QARS1: variants seen among roughly 807,000 people sequenced by gnomAD.
The protein encoded by QARS1 is glutaminyl-tRNA synthetase 1, also known as glutamine--tRNA ligase.
QARS1 carries 79 observed loss-of-function variants against 106.9 expected under a neutral mutation model. The observed-to-expected ratio is 0.74, with a 90% CI of 0.62 to 0.89. QARS1 has a LOEUF of 0.89. QARS1 is among the 40% of genes least tolerant of loss of function. The pLI, the probability that QARS1 is intolerant of heterozygous loss-of-function variation, is 0.00. For synonymous variants in QARS1, 395 were observed against 367.7 expected (o/e 1.07, Z -0.85); for missense variants, 966 against 997.2 (o/e 0.97, Z 0.42).
In QARS1 at chr3:49,099,568, G is replaced by A. The variant is rs765374604; in HGVS notation, c.1468C>T (p.His490Tyr). The change falls in exon 16 of 24, where the codon CAC becomes TAC. Residue 490 changes from histidine (H) to tyrosine (Y), a missense_variant. Physicochemically the swap from His to Tyr is moderately conservative, Grantham distance 83. Transcript: ENST00000306125. ...TTCCTCTTAGAGACAACAGCATAGT[G>A]CAGGTTGAGGCGGCCATACTCCCAC... is the stretch of plus-strand genomic sequence containing the variant. ...VQWEYGRLNLHYAVVSKRKIL... is the reference protein window; with the variant it reads ...VQWEYGRLNLYYAVVSKRKIL... 9 of 1,614,212 alleles carry A rather than the reference G, an allele frequency of 5.6e-6. No homozygotes were observed. Among genetic ancestry groups the A allele is most frequent in the Admixed American group, 1.7e-5 (1 of 60,022 alleles).
intron 2 of QARS1, 26 bp from the exon 3 acceptor site, chr3:49,103,998 G>C (rs1446505850): frequency 6.3e-7 from 1 of 1,582,130 alleles, no homozygotes; most frequent in Non-Finnish European, 8.7e-7. Context: ...CCGTGAGTTT[G>C]TGGCATCTCT....
chr3:49,100,724 C>T (rs550434363), intron 10 of QARS1, 50 bp from the exon 11 acceptor site: 2 of 1,400,324 alleles, frequency 1.4e-6, no homozygotes, highest in Non-Finnish European at 2.0e-6. Context: ...ATCAGCCCCA[C>T]AATCCTGTTT....
In QARS1 at chr3:49,102,745, G is replaced by A. The variant is rs541183086; in HGVS notation, c.517-273C>T. On this transcript the variant is annotated intron_variant, in intron 5 of 23. Coordinates refer to ENST00000306125, the MANE Select transcript of QARS1 (RefSeq NM_005051.3). ...CAACCTCCGCCTCCTGGATTCAAGC[G>A]ATTTTCCTACCTCAGCCCTTCTGAG... The A allele has an allele frequency of 8.2e-5, 43 of 522,664 alleles. 1 individual carries two copies. Among genetic ancestry groups the A allele is most frequent in the South Asian group, 7.0e-4 (42 of 59,928 alleles). 32.4% of individuals were successfully genotyped at this position (522,664 alleles called of 1,614,324 possible). A position where few individuals can be genotyped will look rare whatever the true frequency, so the allele number is the denominator to read the frequency against.
intron 16 of QARS1, 21 bp from the exon 17 acceptor site, chr3:49,099,452 A>AC: frequency 6.2e-7 from 1 of 1,614,208 alleles, no homozygotes; most frequent in Non-Finnish European, 8.5e-7. Flanking sequence ...GAAGGTGGTG[A>AC]GAAGGCCTTT....
chr3:49,102,118 AGGGCCTGAG>A, intron 7 of QARS1, 78 bp downstream of exon 7: 1 of 1,545,144 alleles, frequency 6.5e-7, no homozygotes, highest in Non-Finnish European at 8.9e-7. Context: ...GAGTAAGCCA[AGGGCCTGAG>A]GAGCCTGTAA....
intron 23 of QARS1, 126 bp from the exon 24 acceptor site, chr3:49,096,205 T>C: frequency 2.1e-6 from 2 of 933,604 alleles, no homozygotes. Flanking sequence ...GGACTAAGGG[T>C]CAGGAGGCCC....
intron 23 of QARS1, among the ~76,000 whole-genome samples, chr3:49,097,623 C>G (rs2107093290): frequency 6.6e-6 from 1 of 151,882 alleles, no homozygotes; most frequent in African/African-American, 2.4e-5. Flanking sequence ...GGTGAAACCC[C>G]ATCTCTACTA....
chr3:49,102,184 C>T, intron 7 of QARS1, 21 bp downstream of exon 7: 1 of 1,614,202 alleles, frequency 6.2e-7, no homozygotes, highest in African/African-American at 1.3e-5. Flanking sequence ...AATGCTGTGA[C>T]AGGAGTCTCA....
rs2107095560 is a variant in QARS1, at chr3:49,098,246, C to T, written c.2097G>A (p.Lys699=). The stretch of plus-strand genomic sequence containing the variant: ...GCACCTCAGTAGGATCTTCAGGGTT[C>T]TTGTGCTGGAATCTGCAGCCAAAGT... ...VRLYERLFQH[K]NPEDPTEVPG... Residue 699 remains lysine, a synonymous_variant, in exon 22 of 24, where the codon AAG becomes AAA. Transcript: ENST00000306125. The T allele has an allele frequency of 4.3e-6, 7 of 1,614,204 alleles. No individual in the cohort carries two copies. The highest frequency in any genetic ancestry group is 5.9e-6 in the Non-Finnish European group (7 of 1,180,038).
chr3:49,103,953 C>T lies in QARS1; in HGVS notation c.285G>A (p.Arg95=). 1 of 1,613,958 alleles carries T rather than the reference C, an allele frequency of 6.2e-7. No individual in the cohort carries two copies. The highest frequency in any genetic ancestry group is 8.5e-7 in the Non-Finnish European group (1 of 1,180,014). ...TGTCGATGGGGTCCAAGGGGTGACT[C>T]CGCACATACTCAAGGGCAGCTGAGA... is the stretch of plus-strand genomic sequence containing the variant. ...PQLSAALEYV[R]SHPLDPIDTV... The change falls in exon 3 of 24, where the codon CGG becomes CGA. Residue 95 remains arginine (R), a synonymous_variant. Coordinates refer to ENST00000306125, the MANE Select transcript of QARS1 (RefSeq NM_005051.3).
In QARS1 at chr3:49,103,852, GAA is replaced by G. The variant is rs751215134; in HGVS notation, c.375+9_375+10del. On this transcript the variant is annotated intron_variant, in intron 3 of 23. Coordinates refer to ENST00000306125, the MANE Select transcript of QARS1 (RefSeq NM_005051.3). ...ACTGGGGAGGCAGACGATGCCTGGGGAAAGACTCACAGCCTCCTCAATCTGCT... is the reference window on the plus strand; with the variant it reads ...ACTGGGGAGGCAGACGATGCCTGGGGAGACTCACAGCCTCCTCAATCTGCT... 6.2e-7 allele frequency: 1 copy of G among 1,612,766 alleles called. No individual in the cohort carries two copies. The highest frequency in any genetic ancestry group is 1.1e-5 in the South Asian group (1 of 91,062).
chr3:49,101,960 A>G (rs929420515), intron 7 of QARS1, 61 bp from the exon 8 acceptor site: 7 of 1,532,852 alleles, frequency 4.6e-6, no homozygotes, highest in Non-Finnish European at 6.2e-6. Flanking sequence ...TCCTACAGCC[A>G]GAACAGAACT....
chr3:49,100,143 T>G, intron 13 of QARS1, 47 bp downstream of exon 13: 1 of 1,614,232 alleles, frequency 6.2e-7, no homozygotes, highest in Non-Finnish European at 8.5e-7. Flanking sequence ...CATCTCATTC[T>G]CAGCACCTTG....
intron 2 of QARS1, 69 bp downstream of exon 2, chr3:49,104,255 A>G: frequency 6.3e-7 from 1 of 1,588,130 alleles, no homozygotes; most frequent in Non-Finnish European, 8.6e-7. Context: ...ACTTGGCAAA[A>G]AGGGAAGACA....
In QARS1 at chr3:49,103,403, G is replaced by A. The variant is rs903995621; in HGVS notation, c.458C>T (p.Ala153Val). Residue 153 changes from alanine to valine, a missense_variant, in exon 5 of 24, where the codon GCT becomes GTT. By Grantham distance (64) the Ala-to-Val change is moderately conservative. Coordinates refer to ENST00000306125, the MANE Select transcript of QARS1 (RefSeq NM_005051.3). ...HFNMGLLMGEARAVLKWADGK... is the reference protein window; with the variant it reads ...HFNMGLLMGEVRAVLKWADGK... ...ATCTGCCCACTTCAGCACAGCCCGA[G>A]CCTCTCCTAGAAGCATAGGCACAAG... 3 of 1,614,046 alleles carry A rather than the reference G, an allele frequency of 1.9e-6. No individual in the cohort carries two copies. The highest frequency in any genetic ancestry group is 2.5e-6 in the Non-Finnish European group (3 of 1,180,012).
At chr3:49,103,598 G>A in intron 4 of QARS1, 33 bp downstream of exon 4, 1 of 1,606,050 alleles carries the variant, frequency 6.2e-7, no homozygotes, top group African/African-American at 1.3e-5. Flanking sequence ...TGACCAGAGA[G>A]AACAATATAG....
At chr3:49,101,924 C>T in intron 7 of QARS1, 25 bp from the exon 8 acceptor site, 4 of 1,597,540 alleles carry the variant, frequency 2.5e-6, no homozygotes, top group Non-Finnish European at 3.4e-6. Context: ...ACAAGGAAAA[C>T]TTGTCCTCTA....
intron 3 of QARS1, 25 bp downstream of exon 3, chr3:49,103,838 A>C: frequency 1.2e-6 from 2 of 1,609,700 alleles, no homozygotes; most frequent in Non-Finnish European, 1.7e-6. Context: ...CTGGGGAGGC[A>C]GACGATGCCT....
In QARS1 at chr3:49,101,758, C is replaced by T. The variant is rs1382944896; in HGVS notation, c.704-53G>A. ...CCAGGCTGCAGCCAAAGCCTCTGACCCCAGGGGCCTGACTATAGGAGCTGC... is the reference window on the plus strand; with the variant it reads ...CCAGGCTGCAGCCAAAGCCTCTGACTCCAGGGGCCTGACTATAGGAGCTGC... On this transcript the variant is annotated intron_variant, in intron 8 of 23. Coordinates refer to ENST00000306125, the MANE Select transcript of QARS1 (RefSeq NM_005051.3). The T allele has an allele frequency of 1.9e-6, 3 of 1,610,272 alleles. No homozygotes were observed. In the Admixed American group the frequency reaches 5.0e-5, roughly 27 times the overall value.
Sources: gnomAD v4.1 joint callset for allele counts (sites outside exome capture counted in the v4.1 genomes callset) on GRCh38, gnomAD v4.1.1 for gene constraint, MANE v1.5 for transcripts, NCBI Gene and HGNC (gene_info 2026-07-23, HGNC 2026-07-21) for gene names.